Variants in PCDH15 observed in about 807,000 individuals in gnomAD.
PCDH15 encodes the protein protocadherin related 15.
In PCDH15, 129 loss-of-function variants were observed where a neutral mutation model predicts 178.5. The observed-to-expected ratio is 0.72, with a 90% CI of 0.63 to 0.84. PCDH15 has a LOEUF of 0.84. Among genes scored for constraint, PCDH15 ranks in the 40% least tolerant of loss-of-function variants. PCDH15 has a pLI of 0.00. For synonymous variants in PCDH15, 800 were observed against 732.0 expected, an observed-to-expected ratio of 1.09 and a Z score of -1.50; for missense variants, 2,230 against 2,099.9, an observed-to-expected ratio of 1.06 and a Z score of -1.21.
At chr10:55,553,203 G>T (rs1465095409) in intron 2 of PCDH15, among the ~76,000 whole-genome samples, 2 of 147,924 alleles carry the variant, frequency 1.4e-5, no homozygotes, top group African/African-American at 2.5e-5. Flanking sequence ...CTACCGCTAG[G>T]TTAATAAAAA....
intron 1 of PCDH15, among the ~76,000 whole-genome samples, chr10:54,779,466 A>ATATATATATACACACC (rs1950089693): frequency 1.1e-5 from 1 of 94,526 alleles, no homozygotes; most frequent in Non-Finnish European, 2.3e-5. Flanking sequence ...ATATGTGTGT[A>ATATATATATACACACC]TATATATACA....
intron 2 of PCDH15, among the ~76,000 whole-genome samples, chr10:55,108,059 G>A (rs914370001): frequency 3.3e-5 from 5 of 152,076 alleles, no homozygotes; most frequent in Admixed American, 2.0e-4. Context: ...AAAGCCCAGT[G>A]TTCAATCCAA....
chr10:53,931,296 G>A (rs2085039987), intron 25 of PCDH15, among the ~76,000 whole-genome samples: 1 of 152,194 alleles, frequency 6.6e-6, no homozygotes, highest in South Asian at 2.1e-4. Context: ...GGGCAGAACT[G>A]GAGCTTAGTT....
chr10:54,041,604 A>T (rs2093547592), intron 18 of PCDH15, among the ~76,000 whole-genome samples: 1 of 152,154 alleles, frequency 6.6e-6, no homozygotes, highest in Non-Finnish European at 1.5e-5. Context: ...CCTGAAAATT[A>T]CATTCTAATG....
chr10:55,072,088 A>G (rs865939849), intron 2 of PCDH15, among the ~76,000 whole-genome samples: 1 of 152,160 alleles, frequency 6.6e-6, no homozygotes, highest in Non-Finnish European at 1.5e-5. Flanking sequence ...TCTGGAACAC[A>G]TTCAAAACAA....
intron 28 of PCDH15, among the ~76,000 whole-genome samples, chr10:53,853,145 A>G (rs1045879549): frequency 2.0e-5 from 3 of 152,082 alleles, no homozygotes; most frequent in African/African-American, 7.2e-5. Context: ...AAAAAAATCT[A>G]CAAAATGAAA....
intron 5 of PCDH15, among the ~76,000 whole-genome samples, chr10:54,358,546 C>G (rs1045286886): frequency 6.6e-6 from 1 of 152,024 alleles, no homozygotes; most frequent in African/African-American, 2.4e-5. Context: ...AATAGGAACA[C>G]TTTTACACTG....
At chr10:54,154,425 A>C (rs1381439048) in intron 13 of PCDH15, among the ~76,000 whole-genome samples, 1 of 152,170 alleles carries the variant, frequency 6.6e-6, no homozygotes, top group Non-Finnish European at 1.5e-5. Context: ...TTTTCAATAC[A>C]TTACTTCTAA....
chr10:54,389,197 CA>C (rs752195643), intron 3 of PCDH15, among the ~76,000 whole-genome samples: 1 of 152,056 alleles, frequency 6.6e-6, no homozygotes, highest in East Asian at 1.9e-4. Flanking sequence ...TCAAGGAAGC[CA>C]GATGCCCTTT....
At chr10:55,331,025 A>G (rs58161140) in intron 2 of PCDH15, among the ~76,000 whole-genome samples, 1,635 of 151,958 alleles carry the variant, frequency 0.011, 36 homozygotes, top group African/African-American at 0.037. Flanking sequence ...CTGACATGTT[A>G]TCCATTATAC....
chr10:55,613,965 T>C (rs1389006614), intron 2 of PCDH15, among the ~76,000 whole-genome samples: 2 of 151,802 alleles, frequency 1.3e-5, no homozygotes, highest in Admixed American at 6.6e-5. Flanking sequence ...AAAACAAAAA[T>C]TAGCCGGGCA....
intron 23 of PCDH15, among the ~76,000 whole-genome samples, chr10:53,945,848 T>C (rs1273225317): frequency 0.13 from 3,265 of 24,430 alleles, 85 homozygotes; most frequent in East Asian, 0.46. Flanking sequence ...TATATATATA[T>C]ATATATATAT....
At chr10:55,024,811 T>C (rs961937060) in intron 2 of PCDH15, among the ~76,000 whole-genome samples, 7 of 152,158 alleles carry the variant, frequency 4.6e-5, no homozygotes, top group Non-Finnish European at 1.0e-4. Context: ...GCCACTGGGT[T>C]TGCTTTATTT....
intron 25 of PCDH15, among the ~76,000 whole-genome samples, chr10:53,923,373 A>C (rs530340958): frequency 1.2e-4 from 18 of 152,304 alleles, no homozygotes; most frequent in Middle Eastern, 6.8e-3. Flanking sequence ...TTAGATTGGG[A>C]AGAACTGACT....
chr10:54,033,368 A>T (rs7476036), intron 18 of PCDH15, among the ~76,000 whole-genome samples: 65,466 of 151,668 alleles, frequency 0.43, 14,912 homozygotes, highest in Middle Eastern at 0.61. Context: ...CTTTATACAT[A>T]AGAAAAGTAA....
intron 3 of PCDH15, among the ~76,000 whole-genome samples, chr10:54,848,305 C>T (rs1401572970): frequency 2.0e-5 from 3 of 149,916 alleles, no homozygotes; most frequent in Non-Finnish European, 4.4e-5. Flanking sequence ...ATCCTTGAAC[C>T]TGGAAGGCAG....
chr10:54,288,073 C>T (rs1203581693), intron 8 of PCDH15, among the ~76,000 whole-genome samples: 1 of 152,084 alleles, frequency 6.6e-6, no homozygotes, highest in Admixed American at 6.6e-5. Flanking sequence ...CCTGTAATCT[C>T]AGCACTTTGG....
At chr10:55,240,216 A>G (rs1016754117) in intron 1 of PCDH15, among the ~76,000 whole-genome samples, 8 of 152,178 alleles carry the variant, frequency 5.3e-5, no homozygotes, top group Non-Finnish European at 2.9e-5. Context: ...CATCATAGAG[A>G]TATCAGAACC....
intron 20 of PCDH15, among the ~76,000 whole-genome samples, chr10:54,009,674 G>A (rs2092508255): frequency 6.6e-6 from 1 of 152,198 alleles, no homozygotes; most frequent in African/African-American, 2.4e-5. Flanking sequence ...AGCAAGACAA[G>A]ACAACTGCCC....
Sources: allele counts gnomAD v4.1 joint callset (sites outside exome capture counted in the v4.1 genomes callset), GRCh38; gene constraint gnomAD v4.1.1; transcripts MANE v1.5; gene names NCBI Gene and HGNC (gene_info 2026-07-23, HGNC 2026-07-21).